Variants in FAF2 observed in about 807,000 individuals in gnomAD.
The protein encoded by FAF2 is FAS-associated factor 2.
In FAF2, 9 loss-of-function variants were observed where a neutral mutation model predicts 62.3. The observed-to-expected ratio is 0.14, with a 90% CI of 0.09 to 0.25. The LOEUF is 0.25. Among genes scored for constraint, FAF2 ranks in the 10% least tolerant of loss-of-function variants. FAF2 has a pLI of 1.00. For missense variants in FAF2, 368 were observed against 556.2 expected (o/e 0.66, Z 3.40); for synonymous variants, 202 against 198.0 (o/e 1.02, Z -0.17).
rs1032627815 is a variant in FAF2 at position 176,479,416 on chromosome 5, A to G, written c.132+160A>G. Reference sequence around the variant, plus strand: ...GAAGGTAAAGAATGTGAGAAAGTTTATAAAATCATAGAAAAATTTGTGACT... The same window carrying G: ...GAAGGTAAAGAATGTGAGAAAGTTTGTAAAATCATAGAAAAATTTGTGACT... On this transcript the variant is annotated intron_variant, in intron 2 of 10. Transcript: ENST00000261942. 2.0e-5 allele frequency among the ~76,000 whole-genome samples: 3 copies of G among 152,220 alleles called. 1 individual carries two copies. In the South Asian group the frequency reaches 6.2e-4, roughly 31 times the overall value.
intron 2 of FAF2, among the ~76,000 whole-genome samples, chr5:176,482,749 C>T (rs773088723): frequency 5.3e-5 from 8 of 152,174 alleles, no homozygotes; most frequent in Non-Finnish European, 1.0e-4. Context: ...CTCCTGGGCT[C>T]CAGTGATTCT....
rs750266109 is a variant in FAF2 at position 176,499,018 on chromosome 5, G to A, written c.944G>A (p.Arg315Gln). The change falls in exon 9 of 11, where the codon CGG becomes CAG. Residue 315 changes from arginine (R) to glutamine (Q), a missense_variant. By Grantham distance (43) the Arg-to-Gln change is conservative. Coordinates refer to ENST00000261942, the MANE Select transcript of FAF2 (RefSeq NM_014613.3). ...QEKERKKREE[R>Q]ERKRRKEEEV... is the part of the protein sequence containing the mutation. ...AAAGAAAGAAAGAAACGGGAGGAGC[G>A]GGAGCGTAAGCGGCGGAAGGAGGAG... The A allele has an allele frequency of 7.3e-5, 118 of 1,612,998 alleles. No homozygotes were observed. Among genetic ancestry groups the A allele is most frequent in the Admixed American group, 1.3e-4 (8 of 59,902 alleles).
At chr5:176,493,267 ACT>A (rs1303584229) in intron 5 of FAF2, among the ~76,000 whole-genome samples, 1 of 152,036 alleles carries the variant, frequency 6.6e-6, no homozygotes, top group Admixed American at 6.6e-5. Context: ...TTCCCACCAC[ACT>A]CAACAAAAAC....
At chr5:176,502,307 G>A (rs190015167) in intron 10 of FAF2, among the ~76,000 whole-genome samples, 87 of 152,262 alleles carry the variant, frequency 5.7e-4, no homozygotes, top group Non-Finnish European at 9.0e-4. Flanking sequence ...TAGGCCAGGC[G>A]TTGTGGCTCA....
At chr5:176,499,661 G>T (rs1451037979) in intron 9 of FAF2, among the ~76,000 whole-genome samples, 1 of 151,358 alleles carries the variant, frequency 6.6e-6, no homozygotes, top group Non-Finnish European at 1.5e-5. Context: ...TGCCCAGGCT[G>T]GCGTGCAGTG....
At chr5:176,492,453 G>C (rs1758988789) in intron 5 of FAF2, 121 bp downstream of exon 5, 1 of 1,069,664 alleles carries the variant, frequency 9.3e-7, no homozygotes, top group African/African-American at 1.6e-5. Context: ...GCTCTTCACT[G>C]CTTATAGGGG....
chr5:176,506,624 A>C (rs1487083566), intron 10 of FAF2, 144 bp from the exon 11 acceptor site: 2 of 646,104 alleles, frequency 3.1e-6, no homozygotes, highest in East Asian at 2.7e-5. Context: ...TTAGAATTCC[A>C]GTGTAATGTG....
intron 1 of FAF2, among the ~76,000 whole-genome samples, chr5:176,468,096 C>T (rs58240565): frequency 0.013 from 1,925 of 152,136 alleles, 45 homozygotes; most frequent in African/African-American, 0.044. Flanking sequence ...ACCCTGGAAG[C>T]GGAGATTGTG....
intron 1 of FAF2, among the ~76,000 whole-genome samples, chr5:176,463,797 T>A (rs1758421165): frequency 6.6e-6 from 1 of 151,122 alleles, no homozygotes. Context: ...TGGCGTGATC[T>A]TGGCTCACTG....
At chr5:176,472,366 C>T (rs1004295469) in intron 1 of FAF2, among the ~76,000 whole-genome samples, 3 of 151,742 alleles carry the variant, frequency 2.0e-5, no homozygotes, top group Non-Finnish European at 2.9e-5. Context: ...AGTCTGGTCT[C>T]GAACTCCTGA....
chr5:176,490,181 G>T (rs1208366773), intron 4 of FAF2, among the ~76,000 whole-genome samples: 1 of 151,994 alleles, frequency 6.6e-6, no homozygotes, highest in East Asian at 1.9e-4. Context: ...CGCGGTGGCT[G>T]GTGCCTGTAG....
chr5:176,475,667 C>T (rs1222596064), intron 1 of FAF2, among the ~76,000 whole-genome samples: 1 of 151,926 alleles, frequency 6.6e-6, no homozygotes, highest in African/African-American at 2.4e-5. Flanking sequence ...ACTTGGGGAG[C>T]CAAGGCAGGA....
intron 1 of FAF2, among the ~76,000 whole-genome samples, chr5:176,463,029 A>G (rs1253531849): frequency 6.6e-6 from 1 of 152,202 alleles, no homozygotes; most frequent in African/African-American, 2.4e-5. Context: ...GAATATAGCC[A>G]ACATACTTAT....
At chr5:176,503,067 TAAATAA>T (rs1755621830) in intron 10 of FAF2, among the ~76,000 whole-genome samples, 2 of 150,906 alleles carry the variant, frequency 1.3e-5, no homozygotes, top group African/African-American at 4.9e-5. Flanking sequence ...ATGAATAAAA[TAAATAA>T]AAATAAAAAA....
At chr5:176,448,959 A>C (rs1045742852) in intron 1 of FAF2, among the ~76,000 whole-genome samples, 2 of 152,048 alleles carry the variant, frequency 1.3e-5, no homozygotes, top group African/African-American at 4.8e-5. Flanking sequence ...CCGGTCGGGG[A>C]GGGGGCACCT....
chr5:176,494,878 C>G lies in FAF2; in HGVS notation c.661+603C>G, dbSNP rs984870547. Among the ~76,000 whole-genome samples, 1 of 152,162 alleles carries G rather than the reference C, an allele frequency of 6.6e-6. No homozygotes were observed. Among genetic ancestry groups the G allele is most frequent in the Non-Finnish European group, 1.5e-5 (1 of 68,038 alleles). ...AGCAAGTTGTAGCGTACAGTCGGGT[C>G]TGCCAGATTCTAAAGCCCGTTCTTC... On this transcript the variant is annotated intron_variant, in intron 7 of 10. Coordinates refer to ENST00000261942, the MANE Select transcript of FAF2 (RefSeq NM_014613.3). This position sits in a 1 kb window ranked among gnomAD's most constrained non-coding sequence, Gnocchi z 4.0.
At chr5:176,478,012 G>A (rs185318385) in intron 1 of FAF2, among the ~76,000 whole-genome samples, 13 of 152,242 alleles carry the variant, frequency 8.5e-5, no homozygotes, top group Non-Finnish European at 1.9e-4. Flanking sequence ...GTACAGAATA[G>A]GCATGTAGCA....
intron 1 of FAF2, among the ~76,000 whole-genome samples, chr5:176,456,076 GGTTT>G (rs748643790): frequency 4.7e-4 from 72 of 152,096 alleles, no homozygotes; most frequent in Admixed American, 2.0e-4. Flanking sequence ...AGACTGACTG[GGTTT>G]GTTTGATTGA....
chr5:176,468,412 G>A (rs10055062), intron 1 of FAF2, among the ~76,000 whole-genome samples: 3,446 of 151,982 alleles, frequency 0.023, 132 homozygotes, highest in African/African-American at 0.078. Context: ...GTGAAACCCC[G>A]TCTCTACTAA....
Sources: allele counts gnomAD v4.1 joint callset (sites outside exome capture counted in the v4.1 genomes callset), GRCh38; gene constraint gnomAD v4.1.1; non-coding constraint Gnocchi (gnomAD v3.1); transcripts MANE v1.5; gene names NCBI Gene and HGNC (gene_info 2026-07-23, HGNC 2026-07-21).